Variants in SLC5A4 observed in about 807,000 individuals in gnomAD.
SLC5A4 encodes probable glucose sensor protein SLC5A4.
A neutral mutation model predicts 70.3 loss-of-function variants in SLC5A4; 55 were observed. That is an observed-to-expected ratio of 0.78 (90% confidence interval 0.63 to 0.98). The LOEUF is 0.98. Ranked by LOEUF, SLC5A4 falls within the 50% of genes least tolerant of loss-of-function variation. The pLI is 0.00. For missense variants in SLC5A4, 735 were observed against 839.2 expected (o/e 0.88, Z 1.53); for synonymous variants, 268 against 305.7 (o/e 0.88, Z 1.29).
the SLC5A4 span, among the ~76,000 whole-genome samples, chr22:32,279,338 A>G: frequency 6.6e-6 from 1 of 152,232 alleles, no homozygotes; most frequent in Non-Finnish European, 1.5e-5. Context: ...AATTGTTAAA[A>G]AGTTTATGCC....
intron 2 of SLC5A4, among the ~76,000 whole-genome samples, 182 bp from the exon 3 acceptor site, chr22:32,252,056 CATCTTTACT>C (rs202202363): frequency 0.012 from 1,779 of 151,952 alleles, 27 homozygotes; most frequent in Middle Eastern, 0.034. Context: ...GGTGAGACCC[CATCTTTACT>C]CAAAATACAA....
chr22:32,271,915 C>G, the SLC5A4 span: 1 of 576,274 alleles, frequency 1.7e-6, no homozygotes, highest in East Asian at 4.3e-5. Flanking sequence ...TGGCCACCAG[C>G]ACCAACACAC....
At chr22:32,227,697 G>A (rs1439715982) in intron 11 of SLC5A4, among the ~76,000 whole-genome samples, 1 of 152,122 alleles carries the variant, frequency 6.6e-6, no homozygotes, top group Admixed American at 6.5e-5. Context: ...CAAGACTTTG[G>A]GAGGCTGAGG....
chr22:32,264,275 T>C, the SLC5A4 span, among the ~76,000 whole-genome samples: 46 of 152,010 alleles, frequency 3.0e-4, no homozygotes, highest in Non-Finnish European at 2.9e-5. Flanking sequence ...GAGAATATAA[T>C]AGAACTAAGA....
chr22:32,352,303 G>A, the SLC5A4 span, among the ~76,000 whole-genome samples: 2 of 150,676 alleles, frequency 1.3e-5, no homozygotes, highest in Non-Finnish European at 3.0e-5. Flanking sequence ...AGCATTAGGA[G>A]ATATACCTAA....
the SLC5A4 span, chr22:32,272,096 G>T: frequency 1.5e-6 from 1 of 655,406 alleles, no homozygotes; most frequent in South Asian, 1.8e-5. Flanking sequence ...GGGAGCTTGT[G>T]ACCAGCACGA....
At chr22:32,319,877 C>T in the SLC5A4 span, among the ~76,000 whole-genome samples, 73 of 152,264 alleles carry the variant, frequency 4.8e-4, no homozygotes, top group East Asian at 8.9e-3. Flanking sequence ...ATGACTATAT[C>T]CCCAGGGCCA....
the SLC5A4 span, among the ~76,000 whole-genome samples, chr22:32,344,842 A>T: frequency 6.6e-6 from 1 of 152,142 alleles, no homozygotes; most frequent in Non-Finnish European, 1.5e-5. Flanking sequence ...TTGCTCACTG[A>T]TTAGCGTACC....
intron 8 of SLC5A4, 67 bp from the exon 9 acceptor site, chr22:32,233,101 C>A: frequency 1.3e-6 from 2 of 1,541,298 alleles, no homozygotes; most frequent in African/African-American, 1.4e-5. Flanking sequence ...GTCAGCGTCC[C>A]TTTCCAGAGT....
chr22:32,272,331 G>A, the SLC5A4 span: 3 of 837,624 alleles, frequency 3.6e-6, no homozygotes, highest in Non-Finnish European at 6.2e-6. Context: ...CCTGTGCACT[G>A]CAAGGCCACC....
chr22:32,237,165 A>G, intron 7 of SLC5A4, 79 bp downstream of exon 7: 1 of 983,058 alleles, frequency 1.0e-6, no homozygotes, highest in Non-Finnish European at 1.6e-6. Flanking sequence ...AGGCATCCCA[A>G]TAAAGAGCAG....
At chr22:32,337,941 T>C in the SLC5A4 span, among the ~76,000 whole-genome samples, 5 of 152,330 alleles carry the variant, frequency 3.3e-5, no homozygotes, top group African/African-American at 1.2e-4. Flanking sequence ...TAATTGCATG[T>C]TTATATAATT....
At chr22:32,243,884 G>C (rs1285216835) in intron 5 of SLC5A4, among the ~76,000 whole-genome samples, 1 of 152,116 alleles carries the variant, frequency 6.6e-6, no homozygotes, top group Non-Finnish European at 1.5e-5. Flanking sequence ...GGCTACTGGG[G>C]AGGCTGAGGC....
At chr22:32,246,388 G>C (rs1158789799) in intron 5 of SLC5A4, among the ~76,000 whole-genome samples, 1 of 152,156 alleles carries the variant, frequency 6.6e-6, no homozygotes, top group African/African-American at 2.4e-5. Context: ...TGCCTAGACT[G>C]TAAACTTGAG....
the SLC5A4 span, among the ~76,000 whole-genome samples, chr22:32,331,586 CGG>C: frequency 6.6e-6 from 1 of 152,136 alleles, no homozygotes; most frequent in Admixed American, 6.5e-5. Context: ...AAAAGGCAAG[CGG>C]TGGGGTGGAG....
At chr22:32,347,233 AG>A in the SLC5A4 span, among the ~76,000 whole-genome samples, 1,352 of 152,340 alleles carry the variant, frequency 8.9e-3, 13 homozygotes, top group South Asian at 0.024. Context: ...GTGGAGAAAT[AG>A]GAACACTTTC....
At position 32,254,803 on chromosome 22, in the gene SLC5A4, C is replaced by CA. The variant is rs566118302; in HGVS notation, c.135+391dup. ...TGGACGACAGAGCAAGACTCCGTCTCAAAAAAAAAAAAAATTTGCAGTCTC... is the reference window on the plus strand; with the variant it reads ...TGGACGACAGAGCAAGACTCCGTCTCAAAAAAAAAAAAAAATTTGCAGTCTC... On this transcript the variant is annotated intron_variant, in intron 1 of 14. Transcript: ENST00000266086. Among the ~76,000 whole-genome samples the CA allele has an allele frequency of 4.5e-3, 512 of 113,536 alleles. 2 individuals carry two copies. Among genetic ancestry groups the CA allele is most frequent in the Middle Eastern group, 0.017 (3 of 176 alleles). 74.5% of individuals were successfully genotyped at this position (113,536 alleles called of 152,430 possible). A position where few individuals can be genotyped will look rare whatever the true frequency, so the allele number is the denominator to read the frequency against.
chr22:32,272,713 C>A, the SLC5A4 span: 1 of 511,392 alleles, frequency 2.0e-6, no homozygotes, highest in Non-Finnish European at 3.7e-6. Context: ...CATGTGGGTG[C>A]CCACATGAAC....
chr22:32,327,917 A>C, the SLC5A4 span, among the ~76,000 whole-genome samples: 2 of 152,138 alleles, frequency 1.3e-5, no homozygotes, highest in Non-Finnish European at 2.9e-5. Flanking sequence ...GAGGCCTCTA[A>C]TGTGGCCCAA....
Sources: allele counts gnomAD v4.1 joint callset (sites outside exome capture counted in the v4.1 genomes callset), GRCh38; gene constraint gnomAD v4.1.1; transcripts MANE v1.5; gene names NCBI Gene and HGNC (gene_info 2026-07-23, HGNC 2026-07-21).